Variants in ASB4 observed in about 807,000 individuals in gnomAD.
ASB4 encodes ankyrin repeat and SOCS box protein 4.
In ASB4, 35 loss-of-function variants were observed where a neutral mutation model predicts 38.6. The ratio of observed to expected loss-of-function variants is 0.91; its 90% CI spans 0.69 to 1.20. The LOEUF is 1.20. Among genes scored for constraint, ASB4 ranks in the 50% most tolerant of loss-of-function variants. The pLI is 0.00. For missense variants in ASB4, 557 were observed against 527.2 expected, an observed-to-expected ratio of 1.06 and a Z score of -0.55; for synonymous variants, 195 against 201.3, an observed-to-expected ratio of 0.97 and a Z score of 0.26.
At chr7:95,516,155 C>A (rs1425954753) in intron 2 of ASB4, among the ~76,000 whole-genome samples, 2 of 152,170 alleles carry the variant, frequency 1.3e-5, no homozygotes, top group Non-Finnish European at 2.9e-5. Context: ...GGGTTAACCT[C>A]TTTTTCAGTT....
chr7:95,535,859 T>A (rs1790882692), intron 3 of ASB4, among the ~76,000 whole-genome samples: 1 of 152,182 alleles, frequency 6.6e-6, no homozygotes, highest in South Asian at 2.1e-4. Flanking sequence ...TCAACTTGCA[T>A]GTTACTCTGT....
intron 3 of ASB4, among the ~76,000 whole-genome samples, chr7:95,533,944 T>G (rs576344134): frequency 1.3e-5 from 2 of 152,336 alleles, no homozygotes; most frequent in South Asian, 4.1e-4. Context: ...TTTATACCCA[T>G]TTAGACTGTC....
intron 3 of ASB4, 91 bp from the exon 4 acceptor site, chr7:95,536,346 A>C (rs2116658319): frequency 1.3e-6 from 1 of 767,298 alleles, no homozygotes; most frequent in Middle Eastern, 2.4e-4. Flanking sequence ...TACCATGCCC[A>C]CTGGTCTGTG....
the ASB4 span, among the ~76,000 whole-genome samples, chr7:95,548,333 C>T: frequency 1.3e-4 from 20 of 152,206 alleles, no homozygotes; most frequent in African/African-American, 4.8e-4. Context: ...AACAGCTTTT[C>T]ACTTGCTTAT....
At chr7:95,490,513 G>A (rs1217382665) in intron 1 of ASB4, among the ~76,000 whole-genome samples, 2 of 152,236 alleles carry the variant, frequency 1.3e-5, no homozygotes, top group Non-Finnish European at 2.9e-5. Context: ...CACAGGCAGA[G>A]CAAATGTCTG....
intron 2 of ASB4, among the ~76,000 whole-genome samples, chr7:95,500,997 C>T (rs1341390222): frequency 6.6e-6 from 1 of 152,096 alleles, no homozygotes; most frequent in Non-Finnish European, 1.5e-5. Context: ...TTTACTCATT[C>T]ATTTATGTTT....
At chr7:95,549,582 C>A in the ASB4 span, among the ~76,000 whole-genome samples, 2 of 152,188 alleles carry the variant, frequency 1.3e-5, no homozygotes, top group East Asian at 1.9e-4. Context: ...TAGGCGTGAG[C>A]CACCGCGCCC....
chr7:95,491,945 A>G (rs746500928), intron 1 of ASB4, among the ~76,000 whole-genome samples: 2 of 152,306 alleles, frequency 1.3e-5, no homozygotes, highest in Non-Finnish European at 2.9e-5. Context: ...CTAGCCCCAC[A>G]TTACCACCAA....
intron 2 of ASB4, among the ~76,000 whole-genome samples, chr7:95,512,055 G>A (rs909151274): frequency 1.3e-5 from 2 of 152,150 alleles, no homozygotes; most frequent in Non-Finnish European, 2.9e-5. Flanking sequence ...TAACTGCCTT[G>A]CTCCCAGCCC....
upstream of ASB4, among the ~76,000 whole-genome samples, chr7:95,474,268 C>A (rs1452396404): frequency 1.3e-5 from 2 of 152,090 alleles, no homozygotes; most frequent in Non-Finnish European, 2.9e-5. Context: ...TTTTTCTTGG[C>A]TATTTATATT....
chr7:95,498,715 AT>A (rs1451697792), intron 2 of ASB4, among the ~76,000 whole-genome samples: 1 of 151,994 alleles, frequency 6.6e-6, no homozygotes, highest in Non-Finnish European at 1.5e-5. Context: ...CAATTTACCA[AT>A]TTTTTTCCTC....
chr7:95,471,306 A>G, the ASB4 span, among the ~76,000 whole-genome samples: 9 of 152,182 alleles, frequency 5.9e-5, no homozygotes, highest in East Asian at 3.9e-4. Context: ...GGCCATTGCT[A>G]TTGTCCTCTT....
upstream of ASB4, chr7:95,485,934 C>A (rs759416447): frequency 1.3e-6 from 2 of 1,595,322 alleles, no homozygotes; most frequent in South Asian, 2.2e-5. Context: ...GCTGTTCTCT[C>A]GATAAATCAC....
chr7:95,481,728 G>A (rs192729764), upstream of ASB4, among the ~76,000 whole-genome samples: 7 of 152,302 alleles, frequency 4.6e-5, no homozygotes, highest in Non-Finnish European at 1.5e-5. Flanking sequence ...CTTTGTGCCT[G>A]CTGTCTCAGC....
chr7:95,519,494 G>T (rs1790630796), intron 2 of ASB4, among the ~76,000 whole-genome samples: 2 of 152,200 alleles, frequency 1.3e-5, no homozygotes, highest in South Asian at 4.1e-4. Context: ...TTCTTTATCT[G>T]CACAGAAGCC....
upstream of ASB4, among the ~76,000 whole-genome samples, chr7:95,485,018 G>GTGTATATA (rs1212944980): frequency 6.9e-6 from 1 of 145,786 alleles, no homozygotes; most frequent in Admixed American, 7.0e-5. Flanking sequence ...GTGTATATAT[G>GTGTATATA]TGTATATATG....
chr7:95,543,867 C>T (rs955372311), downstream of ASB4: 2 of 151,976 alleles, frequency 1.3e-5, no homozygotes, highest in Non-Finnish European at 2.9e-5. Context: ...ATACTTTTTC[C>T]AACCTTATAA....
At chr7:95,528,811 T>A in intron 3 of ASB4, 1 of 518,112 alleles carries the variant, frequency 1.9e-6, no homozygotes, top group Non-Finnish European at 2.5e-6. Flanking sequence ...ATTTTGTATG[T>A]CTTCATTTAA....
At position 95,536,533 on chromosome 7, in the gene ASB4, C is replaced by T; in HGVS notation, c.1075C>T (p.Pro359Ser). 2 of 1,608,992 alleles carry T rather than the reference C, an allele frequency of 1.2e-6. No individual in the cohort carries two copies. Among genetic ancestry groups the T allele is most frequent in the Non-Finnish European group, 1.7e-6 (2 of 1,175,700 alleles). ...GAACACAAAGTGGAGAAGAGCTATC[C>T]CCGATGATGACTTGGAGGTAAATAA... ...RWNTKWRRAI[P>S]DDDLEKYWDF... The change falls in exon 4 of 5, where the codon CCC (proline) becomes TCC (serine). Residue 359 changes from proline (P) to serine (S), a missense_variant. Physicochemically the swap from Pro to Ser is moderately conservative, Grantham distance 74 (BLOSUM62 -1). Coordinates refer to ENST00000325885, the MANE Select transcript of ASB4 (RefSeq NM_016116.3).
Sources: gnomAD v4.1 joint callset for allele counts (sites outside exome capture counted in the v4.1 genomes callset) on GRCh38, gnomAD v4.1.1 for gene constraint, MANE v1.5 for transcripts, NCBI Gene and HGNC (gene_info 2026-07-23, HGNC 2026-07-21) for gene names.